Variants in CRISPLD1 observed in about 807,000 individuals in gnomAD.
CRISPLD1 encodes cysteine rich secretory protein LCCL domain containing 1, also known as cysteine-rich secretory protein LCCL domain-containing 1.
In CRISPLD1, 60 loss-of-function variants were observed where a neutral mutation model predicts 77.5. The observed-to-expected ratio is 0.77, with a 90% CI of 0.63 to 0.96. The LOEUF is 0.96. CRISPLD1 is among the 40% of genes least tolerant of loss of function. CRISPLD1 has a pLI of 0.00. For synonymous variants in CRISPLD1, 195 were observed against 200.1 expected, an observed-to-expected ratio of 0.97 and a Z score of 0.22; for missense variants, 623 against 615.8, an observed-to-expected ratio of 1.01 and a Z score of -0.12.
At chr8:74,997,619 T>C (rs1440644973) in intron 2 of CRISPLD1, among the ~76,000 whole-genome samples, 2 of 152,014 alleles carry the variant, frequency 1.3e-5, no homozygotes, top group African/African-American at 4.8e-5. Context: ...TAGACAAGGG[T>C]TGAATGCCTT....
At chr8:75,003,551 A>C (rs933238733) in intron 2 of CRISPLD1, among the ~76,000 whole-genome samples, 5 of 152,188 alleles carry the variant, frequency 3.3e-5, no homozygotes, top group African/African-American at 9.7e-5. Context: ...AGACTTTTAG[A>C]TCAATCCTGC....
intron 2 of CRISPLD1, among the ~76,000 whole-genome samples, chr8:75,001,538 A>G (rs1812741180): frequency 1.3e-5 from 2 of 152,248 alleles, no homozygotes; most frequent in Admixed American, 1.3e-4. Flanking sequence ...TTCAGAGTAA[A>G]GCAGTGAACA....
At position 75,029,433 on chromosome 8, in the gene CRISPLD1, A is replaced by G; in HGVS notation, c.1367A>G (p.Asn456Ser). 1.2e-6 allele frequency: 2 copies of G among 1,613,830 alleles called. No individual in the cohort carries two copies. Among genetic ancestry groups the G allele is most frequent in the African/African-American group, 1.3e-5 (1 of 75,042 alleles). The change falls in exon 14 of 15, where the codon AAT (asparagine) becomes AGT (serine). Residue 456 changes from asparagine to serine, a missense_variant. Physicochemically the swap from Asn to Ser is conservative, Grantham distance 46. Coordinates refer to ENST00000262207, the MANE Select transcript of CRISPLD1 (RefSeq NM_031461.6). Reference protein sequence around the residue: ...RAAVHAGVVRNHGGYVDVMPV... With the variant: ...RAAVHAGVVRSHGGYVDVMPV... ...GCAGTACATGCTGGAGTGGTTCGAA[A>G]TCACGGTGGTTATGTTGATGTAATG... is the stretch of plus-strand genomic sequence containing the variant.
intron 2 of CRISPLD1, among the ~76,000 whole-genome samples, chr8:74,999,436 A>C (rs553927565): frequency 6.6e-6 from 1 of 152,318 alleles, no homozygotes; most frequent in Admixed American, 6.5e-5. Flanking sequence ...GGGTAGAAAT[A>C]AGGTGTGCTT....
chr8:75,029,017 G>C lies in CRISPLD1; in HGVS notation c.1321-370G>C, dbSNP rs1813283982. Among the ~76,000 whole-genome samples, 2 of 152,138 alleles carry C rather than the reference G, an allele frequency of 1.3e-5. 1 individual carries two copies. Among genetic ancestry groups the C allele is most frequent in the South Asian group, 4.1e-4 (2 of 4,828 alleles). Reference sequence around the variant, plus strand: ...ATTTGGTCAGAGTGAGCCCAGTATAGAACAAAGGCTAACATTTAAGAATGA... The same window carrying C: ...ATTTGGTCAGAGTGAGCCCAGTATACAACAAAGGCTAACATTTAAGAATGA... On this transcript the variant is annotated intron_variant, in intron 13 of 14. Coordinates refer to ENST00000262207, the MANE Select transcript of CRISPLD1 (RefSeq NM_031461.6).
intron 4 of CRISPLD1, among the ~76,000 whole-genome samples, chr8:75,013,329 A>T (rs1417153256): frequency 6.6e-6 from 1 of 152,078 alleles, no homozygotes; most frequent in African/African-American, 2.4e-5. Flanking sequence ...TATCTCAAGG[A>T]ATAAAAATAT....
In CRISPLD1 at chr8:75,012,540, A is replaced by T; in HGVS notation, c.366A>T (p.Ala122=). 1 of 1,599,774 alleles carries T rather than the reference A, an allele frequency of 6.3e-7. No individual in the cohort carries two copies. Among genetic ancestry groups the T allele is most frequent in the South Asian group, 1.1e-5 (1 of 90,772 alleles). ...CATCAATTGGACAGAATTTGGGAGC[A>T]CACTGGGGAAGGTATCTTAAAGCAC... The part of the protein sequence containing the change: ...LLPSIGQNLG[A]HWGRYRPPTF... Residue 122 remains alanine (A), a synonymous_variant, in exon 3 of 15, where the codon GCA becomes GCT. Coordinates refer to ENST00000262207, the MANE Select transcript of CRISPLD1 (RefSeq NM_031461.6).
intron 12 of CRISPLD1, among the ~76,000 whole-genome samples, chr8:75,023,073 TAA>T (rs397891797): frequency 0.14 from 15,713 of 111,862 alleles, 901 homozygotes; most frequent in African/African-American, 0.16. Flanking sequence ...AAATTGTAGG[TAA>T]AAAAAAAAAA....
At chr8:74,994,310 T>C (rs866446727) in intron 2 of CRISPLD1, among the ~76,000 whole-genome samples, 1 of 152,196 alleles carries the variant, frequency 6.6e-6, no homozygotes, top group African/African-American at 2.4e-5. Flanking sequence ...GGAGGCCTTG[T>C]TGCAAGATGA....
At chr8:75,002,641 G>C (rs1323636757) in intron 2 of CRISPLD1, among the ~76,000 whole-genome samples, 2 of 151,914 alleles carry the variant, frequency 1.3e-5, no homozygotes, top group Non-Finnish European at 2.9e-5. Flanking sequence ...TTGTGTGAGA[G>C]GACCCAGTCT....
chr8:75,005,632 G>A (rs1812815870), intron 2 of CRISPLD1, among the ~76,000 whole-genome samples: 1 of 152,128 alleles, frequency 6.6e-6, no homozygotes, highest in African/African-American at 2.4e-5. Context: ...GCCCTTGACT[G>A]CTCAGAACTG....
chr8:75,026,107 G>A (rs1813231447), intron 13 of CRISPLD1, among the ~76,000 whole-genome samples: 1 of 152,152 alleles, frequency 6.6e-6, no homozygotes, highest in Non-Finnish European at 1.5e-5. Flanking sequence ...GTTGGACAAG[G>A]AATGTGAGCT....
At chr8:75,008,233 G>T (rs1352730757) in intron 2 of CRISPLD1, among the ~76,000 whole-genome samples, 1 of 152,048 alleles carries the variant, frequency 6.6e-6, no homozygotes, top group East Asian at 1.9e-4. Flanking sequence ...GTATAGAAAT[G>T]GGTACCCAAG....
chr8:75,012,794 G>A (rs985404845), intron 3 of CRISPLD1, 96 bp from the exon 4 acceptor site: 13 of 1,375,054 alleles, frequency 9.5e-6, no homozygotes, highest in Admixed American at 8.7e-5. Flanking sequence ...ACGCCAAAGT[G>A]TCTTTCTACC....
At chr8:75,000,483 G>A in intron 2 of CRISPLD1, 2 of 947,826 alleles carry the variant, frequency 2.1e-6, no homozygotes, top group Non-Finnish European at 2.5e-6. Flanking sequence ...CGTATGCCTT[G>A]AGATTTTTGA....
intron 3 of CRISPLD1, 121 bp from the exon 4 acceptor site, chr8:75,012,769 T>G (rs1812955199): frequency 8.8e-7 from 1 of 1,134,628 alleles, no homozygotes; most frequent in African/African-American, 1.6e-5. Context: ...CATAAAAATT[T>G]AAGTTTAATA....
chr8:75,017,475 A>G (rs1350508304), intron 10 of CRISPLD1, 25 bp downstream of exon 10: 5 of 1,565,494 alleles, frequency 3.2e-6, no homozygotes, highest in Non-Finnish European at 4.3e-6. Flanking sequence ...AATCTTTTGG[A>G]CCAGATAATT....
Position 75,034,457 on chromosome 8 carries a change from C to G in CRISPLD1, c.*2215C>G, listed in dbSNP as rs1200166764. The G allele has an allele frequency of 1.3e-5, 2 of 152,030 alleles. No homozygotes were observed. Among genetic ancestry groups the G allele is most frequent in the Non-Finnish European group, 2.9e-5 (2 of 67,946 alleles). 9.4% of individuals were successfully genotyped at this position (152,030 alleles called of 1,614,324 possible). A position where few individuals can be genotyped will look rare whatever the true frequency, so the allele number is the denominator to read the frequency against. On this transcript the variant is annotated 3_prime_UTR_variant, in exon 15 of 15. Transcript: ENST00000262207. ...GGGGAAACTATTCATCTGTCATATACTATTGATCCTTTGGCACTTAAATAA... is the reference window on the plus strand; with the variant it reads ...GGGGAAACTATTCATCTGTCATATAGTATTGATCCTTTGGCACTTAAATAA...
At chr8:75,028,142 T>C (rs1813265207) in intron 13 of CRISPLD1, among the ~76,000 whole-genome samples, 1 of 152,178 alleles carries the variant, frequency 6.6e-6, no homozygotes, top group Admixed American at 6.5e-5. Flanking sequence ...TTAAGAACCA[T>C]ATTGGAGGCA....
Sources: gnomAD v4.1 joint callset for allele counts (sites outside exome capture counted in the v4.1 genomes callset) on GRCh38, gnomAD v4.1.1 for gene constraint, MANE v1.5 for transcripts, NCBI Gene and HGNC (gene_info 2026-07-23, HGNC 2026-07-21) for gene names.